Variants in SYNE1 observed in about 807,000 individuals in gnomAD.
SYNE1 encodes the protein spectrin repeat containing nuclear envelope protein 1.
A neutral mutation model predicts 1,111.0 loss-of-function variants in SYNE1; 616 were observed. That is an observed-to-expected ratio of 0.55 (90% CI 0.52 to 0.59). The LOEUF is 0.59. Ranked by LOEUF, SYNE1 falls within the 20% of genes least tolerant of loss-of-function variation. SYNE1 has a pLI of 0.00. For missense variants in SYNE1, 10,006 were observed against 10,417.0 expected (o/e 0.96, Z 1.72); for synonymous variants, 3,855 against 3,825.8 (o/e 1.01, Z -0.28).
intron 87 of SYNE1, chr6:152,316,638 G>T: frequency 1.7e-6 from 1 of 593,898 alleles, no homozygotes. Flanking sequence ...GTTTAGGGAA[G>T]ATCAAGGATA....
chr6:152,627,956 A>G (rs1172072264), intron 3 of SYNE1, among the ~76,000 whole-genome samples: 3 of 151,064 alleles, frequency 2.0e-5, no homozygotes, highest in Non-Finnish European at 4.4e-5. Flanking sequence ...TTATTGAACA[A>G]CAGCAGCAGT....
chr6:152,527,119 G>C (rs890955294), intron 4 of SYNE1, among the ~76,000 whole-genome samples: 1 of 152,040 alleles, frequency 6.6e-6, no homozygotes, highest in African/African-American at 2.4e-5. Context: ...TCTTGTTAAA[G>C]GCCTAATGCT....
Position 152,255,048 on chromosome 6 carries a change from A to C in SYNE1, c.19302T>G (p.Asp6434Glu). 6.2e-7 allele frequency: 1 copy of C among 1,610,032 alleles called. No homozygotes were observed. The highest frequency in any genetic ancestry group is 8.5e-7 in the Non-Finnish European group (1 of 1,177,494). Reference protein sequence around the residue: ...KDIKEMSEEMDKNKNLFSQAF... With the variant: ...KDIKEMSEEMEKNKNLFSQAF... ...CTTGGGAAAACAAGTTTTTGTTCTT[A>C]TCCATTTCTTCAGACATTTCCTTAA... Residue 6434 changes from aspartate (D) to glutamate (E), a missense_variant, in exon 104 of 146, where the codon GAT (aspartate) becomes GAG (glutamate). This residue lies in a region of SYNE1 where 2,182 missense variants were observed against 2,287.8 expected (regional missense o/e 0.95). Transcript: ENST00000367255.
At chr6:152,324,889 T>C (rs369842122) in intron 81 of SYNE1, among the ~76,000 whole-genome samples, 195 bp downstream of exon 81, 149 of 152,380 alleles carry the variant, frequency 9.8e-4, no homozygotes, top group African/African-American at 3.4e-3. Flanking sequence ...ATAATTTGAC[T>C]GTGACTTGGG....
chr6:152,232,034 T>C, intron 113 of SYNE1, 82 bp downstream of exon 113: 2 of 1,071,992 alleles, frequency 1.9e-6, no homozygotes, highest in Non-Finnish European at 2.8e-6. Context: ...CAAGACTTGA[T>C]TACCATAATT....
At position 152,308,341 on chromosome 6, in the gene SYNE1, T is replaced by TTTG. The variant is rs2095442521; in HGVS notation, c.17346+147_17346+148insCAA. 5.8e-5 allele frequency: 64 copies of TTTG among 1,105,768 alleles called. 1 individual carries two copies. In the South Asian group the frequency reaches 9.4e-4, roughly 16 times the overall value. 68.5% of individuals were successfully genotyped at this position (1,105,768 alleles called of 1,614,324 possible). A position where few individuals can be genotyped will look rare whatever the true frequency, so the allele number is the denominator to read the frequency against. On this transcript the variant is annotated intron_variant, in intron 91 of 145. Transcript: ENST00000367255. Reference sequence around the variant, plus strand: ...GAATCAACAAAAACGGCACTCACAATGCTTAGATAGCCAAAGAGGCCTCTC... The same window carrying TTTG: ...GAATCAACAAAAACGGCACTCACAATTTGGCTTAGATAGCCAAAGAGGCCTCTC...
intron 127 of SYNE1, among the ~76,000 whole-genome samples, chr6:152,200,550 A>G (rs1418300010): frequency 6.6e-6 from 1 of 152,130 alleles, no homozygotes; most frequent in Non-Finnish European, 1.5e-5. Flanking sequence ...GGCAAGCACC[A>G]CCACTCTGGT....
chr6:152,176,505 A>G lies in SYNE1; in HGVS notation c.23516T>C (p.Met7839Thr), dbSNP rs143864186. The change falls in exon 130 of 146, where the codon ATG becomes ACG. Residue 7839 changes from methionine (M) to threonine (T), a missense_variant. Physicochemically the swap from Met to Thr is moderately conservative, Grantham distance 81. This residue lies in a region of SYNE1 where 2,182 missense variants were observed against 2,287.8 expected (regional missense o/e 0.95). Transcript: ENST00000367255. ...GCTGGCTTTAGCAAGTCGTTCTCCCATTTGTTGGAGCTGTATTTTGTTCTC... is the reference window on the plus strand; with the variant it reads ...GCTGGCTTTAGCAAGTCGTTCTCCCGTTTGTTGGAGCTGTATTTTGTTCTC... ...AQENKIQLQQ[M>T]GERLAKASHE... The G allele has an allele frequency of 5.6e-6, 9 of 1,613,420 alleles. No homozygotes were observed. In the African/African-American group the frequency reaches 1.1e-4, roughly 19 times the overall value.
chr6:152,430,358 C>A, intron 35 of SYNE1, 124 bp downstream of exon 35: 1 of 1,138,690 alleles, frequency 8.8e-7, no homozygotes, highest in South Asian at 1.3e-5. Flanking sequence ...CTAAAATCAA[C>A]ATGTCCCATT....
chr6:152,431,549 A>G (rs1012604414), intron 34 of SYNE1, among the ~76,000 whole-genome samples: 3 of 152,344 alleles, frequency 2.0e-5, no homozygotes. Flanking sequence ...TCTCACAAAC[A>G]TAGAAGCTTG....
intron 54 of SYNE1, among the ~76,000 whole-genome samples, 157 bp from the exon 55 acceptor site, chr6:152,385,995 T>C (rs2097521643): frequency 6.6e-6 from 1 of 152,180 alleles, no homozygotes; most frequent in Non-Finnish European, 1.5e-5. Flanking sequence ...GAAGAAACTA[T>C]CAAATTTAAC....
chr6:152,329,853 C>A lies in SYNE1; in HGVS notation c.14832G>T (p.Leu4944=). 1 of 1,614,208 alleles carries A rather than the reference C, an allele frequency of 6.2e-7. No individual in the cohort carries two copies. Among genetic ancestry groups the A allele is most frequent in the Non-Finnish European group, 8.5e-7 (1 of 1,180,036 alleles). Residue 4944 remains leucine, a synonymous_variant, in exon 78 of 146, where the codon CTG becomes CTT. Transcript: ENST00000367255. ...TGAACTTCTCCTTTTCCTTGTGACT[C>A]AGCGCATTCATGATTCTCAAGCTGG... ...VQSSLRIMNA[L]SHKEKEKFTK...
rs1368108467 is a variant in SYNE1 at position 152,634,646 on chromosome 6, GA to G, written c.-224+1991del. ...TATGAATTATACAGAGTAACAATAA[GA>G]AATGATCTTTTCCATAGAAGAACAT... On this transcript the variant is annotated intron_variant, in intron 2 of 145. Transcript: ENST00000367255. Among the ~76,000 whole-genome samples the G allele has an allele frequency of 3.9e-5, 6 of 152,250 alleles. No individual in the cohort carries two copies. The East Asian group carries it at 5.8e-4, about 15-fold the overall frequency.
intron 3 of SYNE1, among the ~76,000 whole-genome samples, chr6:152,606,331 C>G (rs772668638): frequency 7.9e-5 from 12 of 152,158 alleles, no homozygotes; most frequent in Non-Finnish European, 1.6e-4. Context: ...AACCAGCTTC[C>G]AAAGAGTCCA....
At chr6:152,184,565 A>AT (rs1415387628) in intron 128 of SYNE1, among the ~76,000 whole-genome samples, 1 of 151,822 alleles carries the variant, frequency 6.6e-6, no homozygotes, top group African/African-American at 2.4e-5. Context: ...TAAGTTTTAA[A>AT]TTTTTTTTCC....
intron 58 of SYNE1, among the ~76,000 whole-genome samples, chr6:152,375,582 T>TA (rs370869821): frequency 0.028 from 4,290 of 151,196 alleles, 68 homozygotes; most frequent in African/African-American, 0.034. Flanking sequence ...ACAGTTAGGT[T>TA]AAAAAAAAAG....
chr6:152,558,229 C>A (rs1323686152), intron 3 of SYNE1, among the ~76,000 whole-genome samples: 1 of 151,864 alleles, frequency 6.6e-6, no homozygotes, highest in Non-Finnish European at 1.5e-5. Context: ...TTAAAACATA[C>A]CACCACAAAA....
chr6:152,359,517 T>A, intron 64 of SYNE1, 59 bp from the exon 65 acceptor site: 12 of 1,603,424 alleles, frequency 7.5e-6, no homozygotes, highest in Non-Finnish European at 1.0e-5. Context: ...TCAACGACAC[T>A]GCTAAAATCA....
At chr6:152,550,955 G>C (rs538786529) in intron 3 of SYNE1, among the ~76,000 whole-genome samples, 2 of 152,212 alleles carry the variant, frequency 1.3e-5, no homozygotes, top group African/African-American at 2.4e-5. Context: ...TCACAATAGA[G>C]AGCACAAAGC....
Sources: gnomAD v4.1 joint callset for allele counts (sites outside exome capture counted in the v4.1 genomes callset) on GRCh38, gnomAD v4.1.1 for gene constraint, gnomAD v4.1.1 regional missense constraint, MANE v1.5 for transcripts, NCBI Gene and HGNC (gene_info 2026-07-23, HGNC 2026-07-21) for gene names.